PXT1: variants seen among roughly 807,000 people sequenced by gnomAD.
PXT1 encodes the protein peroxisomal testis enriched protein 1.
PXT1 carries 11 observed loss-of-function variants against 11.0 expected under a neutral mutation model. The ratio of observed to expected loss-of-function variants is 1.00; its 90% CI spans 0.63 to 1.66. The LOEUF is 1.66. Ranked by LOEUF, PXT1 falls within the 40% of genes most tolerant of loss-of-function variation. The probability of loss-of-function intolerance (pLI) is 0.00; values close to 1 mark genes in which losing one functional copy is unlikely to be tolerated. For synonymous variants in PXT1, 43 were observed against 51.4 expected (o/e 0.84, Z 0.70); for missense variants, 141 against 155.5 (o/e 0.91, Z 0.49).
Position 36,433,907 on chromosome 6 carries a change from C to T in PXT1, c.-10+4860G>A, listed in dbSNP as rs140650705. ...TTCTGAAGTGAGATGTCATATTGTC[C>T]GCCACTTACTTTCAAATAGTTCAGC... On this transcript the variant is annotated intron_variant, in intron 2 of 4. Coordinates refer to ENST00000454782, the MANE Select transcript of PXT1 (RefSeq NM_152990.4). Among the ~76,000 whole-genome samples the T allele has an allele frequency of 2.9e-4, 44 of 150,684 alleles. 1 individual carries two copies. Among genetic ancestry groups the T allele is most frequent in the East Asian group, 2.5e-3 (13 of 5,128 alleles).
chr6:36,392,660 C>CAATAAT (rs980263178), intron 4 of PXT1, among the ~76,000 whole-genome samples: 1 of 151,806 alleles, frequency 6.6e-6, no homozygotes, highest in Admixed American at 6.6e-5. Context: ...GATCCTGTCT[C>CAATAAT]AATAATAATA....
At chr6:36,426,490 C>G (rs908283254) in intron 2 of PXT1, among the ~76,000 whole-genome samples, 10 of 151,600 alleles carry the variant, frequency 6.6e-5, no homozygotes, top group African/African-American at 2.4e-4. Flanking sequence ...CCTGCCTCAG[C>G]CTCCTGAGTA....
chr6:36,425,793 A>G (rs1444178036), intron 3 of PXT1, 121 bp downstream of exon 3: 3 of 299,242 alleles, frequency 1.0e-5, no homozygotes. Context: ...GTCTCAAAAA[A>G]CAAAAACAAA....
At chr6:36,438,120 T>G (rs1171234901) in intron 2 of PXT1, among the ~76,000 whole-genome samples, 1 of 152,032 alleles carries the variant, frequency 6.6e-6, no homozygotes, top group Non-Finnish European at 1.5e-5. Context: ...GAGCCCGGCC[T>G]ATTAATGCTT....
At chr6:36,393,911 T>C (rs1047236949) in intron 4 of PXT1, among the ~76,000 whole-genome samples, 8 of 152,154 alleles carry the variant, frequency 5.3e-5, no homozygotes, top group African/African-American at 1.9e-4. Flanking sequence ...CTCCGTGAGA[T>C]CAGTAATATT....
At chr6:36,439,196 C>A (rs1774818525) in intron 1 of PXT1, among the ~76,000 whole-genome samples, 1 of 150,536 alleles carries the variant, frequency 6.6e-6, no homozygotes, top group Non-Finnish European at 1.5e-5. Context: ...CGGGGTTTCA[C>A]CATGTTGGAC....
At chr6:36,394,827 G>A (rs1385457843) in intron 4 of PXT1, among the ~76,000 whole-genome samples, 3 of 151,256 alleles carry the variant, frequency 2.0e-5, no homozygotes, top group African/African-American at 7.3e-5. Flanking sequence ...TCAGATTCAG[G>A]GTCTCCCTCT....
intron 2 of PXT1, among the ~76,000 whole-genome samples, chr6:36,431,477 A>C (rs1228955701): frequency 6.6e-6 from 1 of 152,174 alleles, no homozygotes; most frequent in African/African-American, 2.4e-5. Flanking sequence ...GCGTTACAAG[A>C]GTACATTGGC....
chr6:36,409,789 G>A lies in PXT1; in HGVS notation c.170-9205C>T, dbSNP rs150032418. Among the ~76,000 whole-genome samples the A allele has an allele frequency of 5.3e-3, 794 of 150,698 alleles. 4 individuals carry two copies. The highest frequency in any genetic ancestry group is 0.018 in the African/African-American group (750 of 40,824). On this transcript the variant is annotated intron_variant, in intron 3 of 4. Transcript: ENST00000454782. ...TGCAGTGAGCCATAATTGTTCCACT[G>A]TACTCCAGCCTGGGTGACAGAGCAA...
At chr6:36,425,802 A>AAAACAAAC (rs879441761) in intron 3 of PXT1, 112 bp downstream of exon 3, 80 of 343,362 alleles carry the variant, frequency 2.3e-4, no homozygotes, top group East Asian at 1.2e-3. Flanking sequence ...AACAAAAACA[A>AAAACAAAC]AAAATATATA....
intron 2 of PXT1, among the ~76,000 whole-genome samples, chr6:36,436,113 C>CAAAAAAAAAAAAAAAAAAAAACAA (rs11294829): frequency 1.7e-5 from 1 of 60,096 alleles, no homozygotes; most frequent in African/African-American, 6.2e-5. Context: ...AAAAGTAAGC[C>CAAAAAAAAAAAAAAAAAAAAACAA]AAAAAAAAAA....
intron 2 of PXT1, among the ~76,000 whole-genome samples, chr6:36,436,113 CAAAAA>C (rs11294829): frequency 1.2e-4 from 7 of 60,094 alleles, no homozygotes; most frequent in African/African-American, 1.9e-4. Context: ...AAAAGTAAGC[CAAAAA>C]AAAAAAAAAA....
rs1184150776 is a variant in PXT1, at chr6:36,426,036, A to T, written c.47T>A (p.Leu16His). ...ATGTGTTACTTTGGGAGATGGATTG[A>T]GAACTTCTTTAGTTTCATAAACAAT... is the stretch of plus-strand genomic sequence containing the variant. The part of the protein sequence containing the change: ...DGIVYETKEV[L>H]NPSPKVTHCC... The change falls in exon 3 of 5, where the codon CTC (leucine) becomes CAC (histidine). Residue 16 changes from leucine (L) to histidine (H), a missense_variant. Leu to His is a moderately conservative substitution (Grantham distance 99). Coordinates refer to ENST00000454782, the MANE Select transcript of PXT1 (RefSeq NM_152990.4). The T allele has an allele frequency of 1.3e-6, 2 of 1,527,076 alleles. No individual in the cohort carries two copies. The highest frequency in any genetic ancestry group is 8.8e-7 in the Non-Finnish European group (1 of 1,142,068). The allele number at this position is 1,527,076 out of a possible 1,614,324, so 94.6% of individuals were successfully genotyped here.
rs781621964 is a variant in PXT1 at position 36,400,496 on chromosome 6, C to T, written c.258G>A (p.Leu86=). Residue 86 remains leucine, a synonymous_variant, in exon 4 of 5, where the codon CTG becomes CTA. Transcript: ENST00000454782. ...EEIIHKLAMQ[L]RHIGDNIDHR... ...GATCAATGTTGTCCCCAATGTGTCT[C>T]AGCTGCATGGCCAACTTGTGAATTA... 1.7e-5 allele frequency: 27 copies of T among 1,613,924 alleles called. No individual in the cohort carries two copies. Among genetic ancestry groups the T allele is most frequent in the Non-Finnish European group, 2.0e-5 (24 of 1,179,936 alleles).
chr6:36,413,828 T>C (rs552738592), intron 3 of PXT1, among the ~76,000 whole-genome samples: 13 of 152,132 alleles, frequency 8.5e-5, no homozygotes, highest in Middle Eastern at 3.4e-3. Context: ...GAGACTCCCA[T>C]CTGTACAAAA....
chr6:36,429,508 C>CTTTTTTTTTTTTTTTTT (rs112777415), intron 2 of PXT1, among the ~76,000 whole-genome samples: 6 of 108,214 alleles, frequency 5.5e-5, no homozygotes, highest in East Asian at 5.2e-4. Flanking sequence ...TTTTTCTTTT[C>CTTTTTTTTTTTTTTTTT]TTTTTTTTTT....
chr6:36,421,412 G>A (rs1774523798), intron 3 of PXT1, among the ~76,000 whole-genome samples: 1 of 152,118 alleles, frequency 6.6e-6, no homozygotes, highest in African/African-American at 2.4e-5. Context: ...CATGAGCTAT[G>A]ATCGCGCCAC....
At chr6:36,424,643 A>G (rs1404323241) in intron 3 of PXT1, among the ~76,000 whole-genome samples, 1 of 152,176 alleles carries the variant, frequency 6.6e-6, no homozygotes, top group Non-Finnish European at 1.5e-5. Flanking sequence ...CGTCTCAAAA[A>G]AACAAAAACA....
intron 2 of PXT1, among the ~76,000 whole-genome samples, chr6:36,432,024 T>C (rs1774699958): frequency 6.6e-6 from 1 of 152,112 alleles, no homozygotes; most frequent in African/African-American, 2.4e-5. Flanking sequence ...TGAGCCGAGA[T>C]TGCGCCACTG....
Sources: allele counts gnomAD v4.1 joint callset (sites outside exome capture counted in the v4.1 genomes callset), GRCh38; gene constraint gnomAD v4.1.1; transcripts MANE v1.5; gene names NCBI Gene and HGNC (gene_info 2026-07-23, HGNC 2026-07-21).